The following PARP8 variants were observed in gnomAD, a reference collection of about 807,000 sequenced individuals.
PARP8 encodes protein mono-ADP-ribosyltransferase PARP8.
Under a neutral mutation model 124.1 loss-of-function variants are expected in PARP8, and 51 were observed. The ratio of observed to expected loss-of-function variants is 0.41; its 90% CI spans 0.33 to 0.52. The LOEUF (loss-of-function observed/expected upper bound fraction) is 0.52, where lower values mean the gene tolerates loss of function less well. PARP8 is among the 20% of genes least tolerant of loss of function. PARP8 has a pLI of 0.21. For missense variants in PARP8, 860 were observed against 1,018.9 expected (o/e 0.84, Z 2.12); for synonymous variants, 391 against 361.5 (o/e 1.08, Z -0.93).
chr5:50,731,635 G>A (rs763989841), intron 2 of PARP8, among the ~76,000 whole-genome samples: 11 of 152,122 alleles, frequency 7.2e-5, no homozygotes, highest in Non-Finnish European at 1.3e-4. Flanking sequence ...GGGAAAGCAT[G>A]AGGTATAGGA....
Position 50,759,644 on chromosome 5 carries a change from T to C in PARP8, c.186T>C (p.Asp62=). ...YSVHVSEDYP[D]NTYVSSSEND... is the part of the protein sequence containing the mutation. Reference sequence around the variant, plus strand: ...TATCTTTTTTTTTTTTTTTTGCAGATAATACATATGTGTCAAGTTCAGAGA... The same window carrying C: ...TATCTTTTTTTTTTTTTTTTGCAGACAATACATATGTGTCAAGTTCAGAGA... Residue 62 remains aspartate, a splice_region_variant and synonymous_variant, in exon 4 of 26, where the codon GAT becomes GAC. Coordinates refer to ENST00000281631, the MANE Select transcript of PARP8 (RefSeq NM_024615.4). 1 of 1,461,518 alleles carries C rather than the reference T, an allele frequency of 6.8e-7. No individual in the cohort carries two copies. The highest frequency in any genetic ancestry group is 2.6e-5 in the Admixed American group (1 of 38,154). 90.5% of individuals were successfully genotyped at this position (1,461,518 alleles called of 1,614,324 possible).
intron 25 of PARP8, 131 bp from the exon 26 acceptor site, chr5:50,841,835 C>A: frequency 1.7e-6 from 1 of 586,580 alleles, no homozygotes. Context: ...TTAAATACAC[C>A]TGAAAAACAA....
intron 9 of PARP8, among the ~76,000 whole-genome samples, chr5:50,782,527 G>A (rs1336457217): frequency 6.6e-6 from 1 of 152,246 alleles, no homozygotes; most frequent in African/African-American, 2.4e-5. Context: ...GAATAATTAG[G>A]TTTTATTCTA....
At chr5:50,753,157 C>A (rs1481935420) in intron 3 of PARP8, among the ~76,000 whole-genome samples, 1 of 151,630 alleles carries the variant, frequency 6.6e-6, no homozygotes, top group Non-Finnish European at 1.5e-5. Flanking sequence ...GAATGAATTA[C>A]ACAATAGTTG....
chr5:50,760,151 A>T (rs772957280), intron 4 of PARP8, 141 bp from the exon 5 acceptor site: 16 of 793,194 alleles, frequency 2.0e-5, no homozygotes, highest in Non-Finnish European at 2.9e-5. Flanking sequence ...CCTCAACATG[A>T]CATGATTTCA....
intron 9 of PARP8, among the ~76,000 whole-genome samples, chr5:50,788,300 G>A (rs113622187): frequency 6.8e-6 from 1 of 146,596 alleles, no homozygotes. Flanking sequence ...AATGTATAAT[G>A]TATACAATAT....
chr5:50,811,596 T>A (rs376043233), intron 14 of PARP8, among the ~76,000 whole-genome samples: 2 of 140,800 alleles, frequency 1.4e-5, no homozygotes, highest in East Asian at 1.9e-4. Context: ...CCATTGGGTG[T>A]TTTTTTTTTA....
chr5:50,716,301 G>T (rs891652558), intron 2 of PARP8, among the ~76,000 whole-genome samples: 1 of 152,104 alleles, frequency 6.6e-6, no homozygotes, highest in South Asian at 2.1e-4. Context: ...AGAGAACAAA[G>T]TTCCAACAAA....
chr5:50,844,371 G>T lies in PARP8; in HGVS notation c.*2303G>T, dbSNP rs27244. ...ATCTTATTTTTTAATTGAACTTTTT[G>T]AAATTAGGGATACTATAATAACTGA... On this transcript the variant is annotated 3_prime_UTR_variant, in exon 26 of 26. Transcript: ENST00000281631. 907 of 151,644 alleles carry T rather than the reference G, an allele frequency of 6.0e-3. 11 individuals carry two copies. The highest frequency in any genetic ancestry group is 0.021 in the African/African-American group (869 of 41,408). The allele number at this position is 151,644 out of a possible 1,614,324, so 9.4% of individuals were successfully genotyped here. A position where few individuals can be genotyped will look rare whatever the true frequency, so the allele number is the denominator to read the frequency against.
intron 2 of PARP8, among the ~76,000 whole-genome samples, chr5:50,740,481 G>A (rs1222115637): frequency 6.6e-6 from 1 of 152,180 alleles, no homozygotes; most frequent in Non-Finnish European, 1.5e-5. Flanking sequence ...GCAAGACAAA[G>A]ATGAGACGCA....
At position 50,843,246 on chromosome 5, in the gene PARP8, TA is replaced by T. The variant is rs1227185058; in HGVS notation, c.*1180del. The T allele has an allele frequency of 6.6e-6, 1 of 151,808 alleles. No individual in the cohort carries two copies. Among genetic ancestry groups the T allele is most frequent in the African/African-American group, 2.4e-5 (1 of 41,396 alleles). 9.4% of individuals were successfully genotyped at this position (151,808 alleles called of 1,614,324 possible). On this transcript the variant is annotated 3_prime_UTR_variant, in exon 26 of 26. Coordinates refer to ENST00000281631, the MANE Select transcript of PARP8 (RefSeq NM_024615.4). ...CCTAGAGTTCTTATTCATCAAGTTT[TA>T]ATTGACAGTGTTTATTTTCCCACAT... is the stretch of plus-strand genomic sequence containing the variant.
chr5:50,778,593 A>G lies in PARP8; in HGVS notation c.613A>G (p.Thr205Ala), dbSNP rs762239917. Reference sequence around the variant, plus strand: ...TGCTGTGGCTTGGGAAGTAATTCGAACAGAACCTATAATTGTTCGACTACA... The same window carrying G: ...TGCTGTGGCTTGGGAAGTAATTCGAGCAGAACCTATAATTGTTCGACTACA... ...EIAVAWEVIR[T>A]EPIIVRLHCS... The change falls in exon 9 of 26, where the codon ACA becomes GCA. Residue 205 changes from threonine (T) to alanine (A), a missense_variant. Physicochemically the swap from Thr to Ala is moderately conservative, Grantham distance 58 (BLOSUM62 0). Around this residue, in one of 2 missense-constraint regions of PARP8, gnomAD observed 517 missense variants for 544.2 expected, o/e 0.95. Transcript: ENST00000281631. 1 of 1,610,234 alleles carries G rather than the reference A, an allele frequency of 6.2e-7. No homozygotes were observed. Among genetic ancestry groups the G allele is most frequent in the Non-Finnish European group, 8.5e-7 (1 of 1,178,822 alleles).
intron 14 of PARP8, among the ~76,000 whole-genome samples, chr5:50,813,789 A>G (rs1182505727): frequency 6.6e-6 from 1 of 151,986 alleles, no homozygotes; most frequent in East Asian, 1.9e-4. Flanking sequence ...AGCAATGTCT[A>G]TTGTTATAGT....
intron 22 of PARP8, 113 bp from the exon 23 acceptor site, chr5:50,832,668 C>G (rs1315309034): frequency 9.9e-7 from 1 of 1,005,642 alleles, no homozygotes; most frequent in East Asian, 2.6e-5. Context: ...CTGTCTCTAG[C>G]CTAATGTGAT....
chr5:50,842,267 G>A lies in PARP8; in HGVS notation c.*199G>A, dbSNP rs79020929. 4 of 392,688 alleles carry A rather than the reference G, an allele frequency of 1.0e-5. No individual in the cohort carries two copies. The East Asian group carries it at 2.0e-4, about 20-fold the overall frequency. The allele number at this position is 392,688 out of a possible 1,614,324, so 24.3% of individuals were successfully genotyped here. A position where few individuals can be genotyped will look rare whatever the true frequency, so the allele number is the denominator to read the frequency against. ...TAAGATTTATCAATTGTAGGGTTAT[G>A]GAATCTAGTAATAAAATTTCAACAG... On this transcript the variant is annotated 3_prime_UTR_variant, in exon 26 of 26. Coordinates refer to ENST00000281631, the MANE Select transcript of PARP8 (RefSeq NM_024615.4).
intron 7 of PARP8, among the ~76,000 whole-genome samples, chr5:50,772,516 A>AT (rs1223170833): frequency 6.6e-6 from 1 of 151,988 alleles, no homozygotes; most frequent in Non-Finnish European, 1.5e-5. Context: ...AGCATTTGTT[A>AT]TTTTTTAATC....
In PARP8 at chr5:50,842,065, T is replaced by G. The variant is rs562705015; in HGVS notation, c.2562T>G (p.Gly854=). Residue 854 remains glycine, a synonymous_variant, in exon 26 of 26, where the codon GGT becomes GGG. Transcript: ENST00000281631. ...LRVIGNQTAT[G] ...TAATTGGTAATCAAACTGCTACTGG[T>G]TAAAGGACCACCATTTAATTAACAT... 1.9e-6 allele frequency: 3 copies of G among 1,587,030 alleles called. No individual in the cohort carries two copies. In the South Asian group the frequency reaches 3.4e-5, roughly 18 times the overall value.
chr5:50,808,966 T>G (rs1423423788), intron 14 of PARP8, among the ~76,000 whole-genome samples: 1 of 152,002 alleles, frequency 6.6e-6, no homozygotes, highest in Non-Finnish European at 1.5e-5. Flanking sequence ...TATCAACTTC[T>G]GAAATACTAA....
At chr5:50,820,601 A>C (rs1745651308) in intron 15 of PARP8, among the ~76,000 whole-genome samples, 1 of 152,186 alleles carries the variant, frequency 6.6e-6, no homozygotes, top group South Asian at 2.1e-4. Flanking sequence ...GGAAGAGGCA[A>C]GATGTTGTCA....
Sources: allele counts gnomAD v4.1 joint callset (sites outside exome capture counted in the v4.1 genomes callset), GRCh38; gene constraint gnomAD v4.1.1; regional missense constraint gnomAD v4.1.1; transcripts MANE v1.5; gene names NCBI Gene and HGNC (gene_info 2026-07-23, HGNC 2026-07-21).